PDE4B: variants seen among roughly 807,000 people sequenced by gnomAD.
PDE4B encodes phosphodiesterase 4B.
In PDE4B, 20 loss-of-function variants were observed where a neutral mutation model predicts 82.2. The ratio of observed to expected loss-of-function variants is 0.24; its 90% CI spans 0.17 to 0.35. PDE4B has a LOEUF of 0.35. PDE4B is among the 10% of genes least tolerant of loss of function. The pLI, the probability that PDE4B is intolerant of heterozygous loss-of-function variation, is 1.00. For missense variants in PDE4B, 655 were observed against 907.2 expected (o/e 0.72, Z 3.57); for synonymous variants, 320 against 318.9 (o/e 1.00, Z -0.04).
At chr1:66,354,614 C>A in intron 8 of PDE4B, 1 of 1,353,102 alleles carries the variant, frequency 7.4e-7, no homozygotes, top group East Asian at 2.8e-5. Context: ...TCATTACTCT[C>A]TTCTGCCAGG....
chr1:65,794,983 G>C (rs1394243708), intron 1 of PDE4B, among the ~76,000 whole-genome samples: 1 of 152,144 alleles, frequency 6.6e-6, no homozygotes, highest in Non-Finnish European at 1.5e-5. Context: ...AGAGTAACCT[G>C]TTAGACATAC....
At chr1:65,985,820 C>T (rs1650928577) in intron 3 of PDE4B, among the ~76,000 whole-genome samples, 1 of 152,138 alleles carries the variant, frequency 6.6e-6, no homozygotes, top group Non-Finnish European at 1.5e-5. Flanking sequence ...AATTACTCTG[C>T]TAAAACCAGA....
intron 3 of PDE4B, among the ~76,000 whole-genome samples, chr1:66,031,353 G>C (rs1041207140): frequency 2.0e-5 from 3 of 152,078 alleles, no homozygotes; most frequent in African/African-American, 7.2e-5. Context: ...GAAGGGAGCA[G>C]GGAAACATGG....
At chr1:66,029,617 A>G (rs1026937879) in intron 3 of PDE4B, among the ~76,000 whole-genome samples, 2 of 152,204 alleles carry the variant, frequency 1.3e-5, no homozygotes, top group Non-Finnish European at 2.9e-5. Context: ...ATATTAATTT[A>G]TATATAGTAT....
chr1:66,187,974 T>G (rs1047895290), intron 3 of PDE4B, among the ~76,000 whole-genome samples: 21 of 149,456 alleles, frequency 1.4e-4, no homozygotes, highest in African/African-American at 4.4e-4. Flanking sequence ...GGGCATTTAG[T>G]GCTATAAATT....
intron 3 of PDE4B, among the ~76,000 whole-genome samples, chr1:65,923,214 A>G (rs922297729): frequency 5.9e-5 from 9 of 152,214 alleles, no homozygotes; most frequent in African/African-American, 2.2e-4. Flanking sequence ...TCAGGCCCAT[A>G]GGAATTGTAT....
intron 7 of PDE4B, among the ~76,000 whole-genome samples, chr1:66,268,535 G>A (rs528624859): frequency 6.6e-6 from 1 of 151,924 alleles, no homozygotes; most frequent in Admixed American, 6.6e-5. Context: ...GGGTGTGGTG[G>A]CACGTGCCTG....
intron 3 of PDE4B, among the ~76,000 whole-genome samples, chr1:66,233,878 A>G (rs1652191785): frequency 6.6e-6 from 1 of 152,172 alleles, no homozygotes; most frequent in Non-Finnish European, 1.5e-5. Flanking sequence ...CTACTTAATC[A>G]TAAGGTGTCA....
At chr1:66,038,656 A>G (rs1010090502) in intron 3 of PDE4B, among the ~76,000 whole-genome samples, 1 of 152,116 alleles carries the variant, frequency 6.6e-6, no homozygotes, top group African/African-American at 2.4e-5. Flanking sequence ...GCTTTCCTTA[A>G]GACAGGAAAA....
intron 7 of PDE4B, among the ~76,000 whole-genome samples, chr1:66,297,652 C>T (rs1019958224): frequency 7.9e-5 from 12 of 152,102 alleles, no homozygotes; most frequent in Non-Finnish European, 1.5e-4. Context: ...GCTCACTCCT[C>T]AGATAATTAA....
intron 3 of PDE4B, among the ~76,000 whole-genome samples, chr1:66,009,950 T>A (rs1046516011): frequency 5.0e-5 from 7 of 141,064 alleles, no homozygotes; most frequent in African/African-American, 2.0e-4. Context: ...TCTATCTATC[T>A]ATCATCTATC....
intron 1 of PDE4B, among the ~76,000 whole-genome samples, chr1:65,802,274 T>G (rs187658046): frequency 1.2e-3 from 182 of 152,280 alleles, no homozygotes; most frequent in Admixed American, 5.4e-3. Flanking sequence ...TCCACTGTAA[T>G]TAGTGTCTCC....
intron 1 of PDE4B, among the ~76,000 whole-genome samples, chr1:65,897,614 T>C (rs561304351): frequency 1.2e-4 from 18 of 152,222 alleles, no homozygotes; most frequent in Non-Finnish European, 2.4e-4. Context: ...GTTAATCTGC[T>C]TAGGATAATG....
intron 3 of PDE4B, among the ~76,000 whole-genome samples, chr1:66,226,505 A>T (rs1030163234): frequency 6.6e-6 from 1 of 152,258 alleles, no homozygotes; most frequent in Non-Finnish European, 1.5e-5. Context: ...AGGAGCTGGC[A>T]TTTGCTCTGA....
At chr1:65,806,866 C>A (rs369401767) in intron 1 of PDE4B, among the ~76,000 whole-genome samples, 4 of 152,172 alleles carry the variant, frequency 2.6e-5, no homozygotes, top group South Asian at 2.1e-4. Flanking sequence ...TAGGGCATAT[C>A]CTGATTTCAG....
intron 12 of PDE4B, among the ~76,000 whole-genome samples, chr1:66,365,269 A>G (rs918491407): frequency 1.3e-5 from 2 of 152,192 alleles, no homozygotes; most frequent in Non-Finnish European, 2.9e-5. Context: ...TATTCAGCTA[A>G]GAGTATATGA....
chr1:66,015,177 CTCTTT>C (rs1557498686), intron 3 of PDE4B, among the ~76,000 whole-genome samples: 1 of 152,040 alleles, frequency 6.6e-6, no homozygotes, highest in Non-Finnish European at 1.5e-5. Flanking sequence ...CATTCATTTT[CTCTTT>C]TCTGTAAGAA....
intron 3 of PDE4B, among the ~76,000 whole-genome samples, chr1:66,093,306 A>G (rs896214551): frequency 5.3e-5 from 8 of 152,074 alleles, no homozygotes; most frequent in Admixed American, 1.3e-4. Context: ...ATTTGTATAT[A>G]CATTATTTCA....
intron 3 of PDE4B, among the ~76,000 whole-genome samples, chr1:66,028,982 T>G (rs542702303): frequency 6.6e-6 from 1 of 152,248 alleles, no homozygotes. Context: ...CCAAAGTCAC[T>G]TCCACATTTT....
Sources: allele counts gnomAD v4.1 joint callset (sites outside exome capture counted in the v4.1 genomes callset), GRCh38; gene constraint gnomAD v4.1.1; transcripts MANE v1.5; gene names NCBI Gene and HGNC (gene_info 2026-07-23, HGNC 2026-07-21).